The following LUZP2 variants were observed in gnomAD, a reference collection of about 807,000 sequenced individuals.
LUZP2 encodes the protein leucine zipper protein 2.
In LUZP2, 52 loss-of-function variants were observed where a neutral mutation model predicts 51.6. The observed-to-expected ratio is 1.01, with a 90% confidence interval of 0.81 to 1.27. The LOEUF (loss-of-function observed/expected upper bound fraction) is 1.27. Among genes scored for constraint, LUZP2 ranks in the 50% most tolerant of loss-of-function variants. LUZP2 has a pLI of 0.00. For synonymous variants in LUZP2, 154 were observed against 137.3 expected (o/e 1.12, Z -0.85); for missense variants, 436 against 395.4 (o/e 1.10, Z -0.87).
intron 7 of LUZP2, among the ~76,000 whole-genome samples, chr11:24,920,052 G>A (rs1446614345): frequency 1.3e-5 from 2 of 151,842 alleles, no homozygotes; most frequent in South Asian, 2.1e-4. Context: ...TTATTGGATG[G>A]TTTAAAGATT....
chr11:24,617,685 G>T (rs1261035810), intron 1 of LUZP2, among the ~76,000 whole-genome samples: 1 of 152,008 alleles, frequency 6.6e-6, no homozygotes, highest in African/African-American at 2.4e-5. Context: ...GCTGGGCATA[G>T]TGGAGGGCAC....
chr11:24,792,177 C>T (rs1193105469), intron 5 of LUZP2, among the ~76,000 whole-genome samples: 1 of 151,674 alleles, frequency 6.6e-6, no homozygotes, highest in East Asian at 1.9e-4. Context: ...GTCTGTAATC[C>T]CAGCAGTTTG....
intron 5 of LUZP2, among the ~76,000 whole-genome samples, chr11:24,799,186 A>G (rs1362153412): frequency 6.6e-6 from 1 of 152,216 alleles, no homozygotes; most frequent in Non-Finnish European, 1.5e-5. Context: ...GCTGATGAAT[A>G]GACATGAGCT....
intron 5 of LUZP2, among the ~76,000 whole-genome samples, chr11:24,782,982 C>T (rs183608598): frequency 6.6e-6 from 1 of 152,008 alleles, no homozygotes; most frequent in Admixed American, 6.6e-5. Flanking sequence ...TGCAAAGAGC[C>T]AGAAGAGACT....
At chr11:24,908,276 A>G (rs1362447441) in intron 6 of LUZP2, among the ~76,000 whole-genome samples, 2 of 152,168 alleles carry the variant, frequency 1.3e-5, no homozygotes, top group African/African-American at 2.4e-5. Flanking sequence ...TATAAACACC[A>G]TCTACCAAAA....
At chr11:24,671,942 G>GA (rs955933197) in intron 1 of LUZP2, among the ~76,000 whole-genome samples, 15 of 151,404 alleles carry the variant, frequency 9.9e-5, no homozygotes, top group East Asian at 3.9e-4. Context: ...CTCTCAGTAG[G>GA]AAAAAAAACC....
intron 1 of LUZP2, among the ~76,000 whole-genome samples, chr11:24,724,264 C>T (rs1450848146): frequency 6.6e-6 from 1 of 151,988 alleles, no homozygotes; most frequent in Non-Finnish European, 1.5e-5. Context: ...TGAAGCATAA[C>T]TTTTTATTTT....
chr11:25,032,478 A>G (rs1344698622), intron 9 of LUZP2, among the ~76,000 whole-genome samples: 1 of 152,126 alleles, frequency 6.6e-6, no homozygotes, highest in Non-Finnish European at 1.5e-5. Flanking sequence ...TGAAGATATA[A>G]TTTTGCTCTA....
intron 9 of LUZP2, among the ~76,000 whole-genome samples, chr11:25,017,713 T>C (rs1391072774): frequency 6.9e-6 from 1 of 145,914 alleles, no homozygotes; most frequent in East Asian, 2.0e-4. Context: ...TGCTTATTGT[T>C]GTTGTTGTTG....
chr11:24,747,382 A>G (rs1237803359), intron 4 of LUZP2, among the ~76,000 whole-genome samples: 4 of 152,012 alleles, frequency 2.6e-5, no homozygotes, highest in African/African-American at 9.7e-5. Flanking sequence ...GACTTCACAG[A>G]GTCTTATGAT....
At chr11:24,585,888 A>G (rs549692600) in intron 1 of LUZP2, among the ~76,000 whole-genome samples, 29 of 152,344 alleles carry the variant, frequency 1.9e-4, no homozygotes, top group African/African-American at 7.0e-4. Flanking sequence ...ATAGTTAATG[A>G]AGATAAAATT....
At chr11:24,726,409 C>A (rs1181989327) in intron 1 of LUZP2, among the ~76,000 whole-genome samples, 1 of 151,598 alleles carries the variant, frequency 6.6e-6, no homozygotes, top group Non-Finnish European at 1.5e-5. Flanking sequence ...GAAACTAACA[C>A]AAAATATCTC....
Position 24,882,622 on chromosome 11 carries a change from C to T in LUZP2, c.397-23369C>T, listed in dbSNP as rs113842450. On this transcript the variant is annotated intron_variant, in intron 5 of 11. Coordinates refer to ENST00000336930, the MANE Select transcript of LUZP2 (RefSeq NM_001009909.4). ...ATGTCTATTCCTTCCTCCCTCTTAA[C>T]CTTCGGTAAGTTTCGCTTTTTTCAA... 8.5e-5 allele frequency among the ~76,000 whole-genome samples: 13 copies of T among 152,078 alleles called. 1 individual carries two copies. Among genetic ancestry groups the T allele is most frequent in the African/African-American group, 3.1e-4 (13 of 41,522 alleles).
chr11:25,005,489 GA>G (rs886701374), intron 9 of LUZP2, among the ~76,000 whole-genome samples: 3 of 151,958 alleles, frequency 2.0e-5, no homozygotes, highest in African/African-American at 7.2e-5. Context: ...CCATGGTGCA[GA>G]AAAAAATGAG....
At chr11:24,822,027 T>A (rs928380132) in intron 5 of LUZP2, among the ~76,000 whole-genome samples, 1 of 146,068 alleles carries the variant, frequency 6.8e-6, no homozygotes, top group Admixed American at 6.8e-5. Context: ...ATGCAGGGGT[T>A]TTTTTTTTTG....
intron 1 of LUZP2, among the ~76,000 whole-genome samples, chr11:24,633,369 A>C (rs1051851747): frequency 2.0e-5 from 3 of 152,052 alleles, no homozygotes; most frequent in Non-Finnish European, 2.9e-5. Context: ...TTCTTAGCAA[A>C]AGATACACAC....
chr11:24,589,120 T>C (rs1280606595), intron 1 of LUZP2, among the ~76,000 whole-genome samples: 1 of 152,170 alleles, frequency 6.6e-6, no homozygotes, highest in Non-Finnish European at 1.5e-5. Flanking sequence ...TCCTGGCTAT[T>C]GGACATCCCC....
At chr11:24,785,203 T>C (rs1276344116) in intron 5 of LUZP2, among the ~76,000 whole-genome samples, 2 of 152,082 alleles carry the variant, frequency 1.3e-5, no homozygotes, top group Non-Finnish European at 2.9e-5. Flanking sequence ...CACATATCTA[T>C]ATTGTGGCTT....
At chr11:24,995,788 C>A (rs966259949) in intron 9 of LUZP2, among the ~76,000 whole-genome samples, 1 of 151,824 alleles carries the variant, frequency 6.6e-6, no homozygotes, top group African/African-American at 2.4e-5. Context: ...AAATTCAATT[C>A]ACAATTGAAA....
Sources: gnomAD v4.1 joint callset for allele counts (sites outside exome capture counted in the v4.1 genomes callset) on GRCh38, gnomAD v4.1.1 for gene constraint, MANE v1.5 for transcripts, NCBI Gene and HGNC (gene_info 2026-07-23, HGNC 2026-07-21) for gene names.